Variants in SGCZ observed in about 807,000 individuals in gnomAD.
The protein encoded by SGCZ is zeta-sarcoglycan.
A neutral mutation model predicts 41.3 loss-of-function variants in SGCZ; 40 were observed. That is an observed-to-expected ratio of 0.97 (90% CI 0.75 to 1.26). The LOEUF (loss-of-function observed/expected upper bound fraction) is 1.26. SGCZ is among the 50% of genes most tolerant of loss of function. The pLI is 0.00. For missense variants in SGCZ, 552 were observed against 369.8 expected (o/e 1.49, Z -4.04); for synonymous variants, 206 against 137.5 (o/e 1.50, Z -3.49).
intron 1 of SGCZ, among the ~76,000 whole-genome samples, chr8:15,058,087 C>T (rs142313103): frequency 4.6e-5 from 7 of 152,282 alleles, no homozygotes; most frequent in African/African-American, 1.7e-4. Context: ...TAATTAATTT[C>T]ACGAGGGTGG....
chr8:14,876,048 A>G (rs1384411525), intron 1 of SGCZ, among the ~76,000 whole-genome samples: 2 of 152,190 alleles, frequency 1.3e-5, no homozygotes, highest in East Asian at 1.9e-4. Flanking sequence ...AATATAGTCT[A>G]TGCAACTATT....
intron 5 of SGCZ, among the ~76,000 whole-genome samples, chr8:14,118,261 T>G (rs1802585440): frequency 6.6e-6 from 1 of 152,074 alleles, no homozygotes. Flanking sequence ...TCCTGACTTT[T>G]TAATGATCGC....
At chr8:14,952,652 C>T (rs1374519018) in intron 1 of SGCZ, among the ~76,000 whole-genome samples, 3 of 152,112 alleles carry the variant, frequency 2.0e-5, no homozygotes, top group Non-Finnish European at 4.4e-5. Context: ...TTATAGCCCT[C>T]AGGAGATAGT....
chr8:14,605,998 A>G (rs1277910061), intron 1 of SGCZ, among the ~76,000 whole-genome samples: 1 of 152,104 alleles, frequency 6.6e-6, no homozygotes, highest in Non-Finnish European at 1.5e-5. Context: ...ACTGATAATC[A>G]TTCTGTATAC....
At chr8:15,104,280 A>T (rs1458003619) in intron 1 of SGCZ, among the ~76,000 whole-genome samples, 1 of 152,170 alleles carries the variant, frequency 6.6e-6, no homozygotes, top group African/African-American at 2.4e-5. Flanking sequence ...ACAGTCTCTT[A>T]TACAGGAGAC....
chr8:14,256,963 A>C (rs1010680149), intron 3 of SGCZ, among the ~76,000 whole-genome samples: 4 of 152,186 alleles, frequency 2.6e-5, no homozygotes, highest in African/African-American at 9.7e-5. Context: ...AATCTTCTTC[A>C]AAATCACTTT....
chr8:14,444,433 C>T (rs1050435816), intron 2 of SGCZ, among the ~76,000 whole-genome samples: 12 of 152,126 alleles, frequency 7.9e-5, no homozygotes, highest in African/African-American at 2.7e-4. Context: ...CAATGATAGA[C>T]TGGATCAAGA....
chr8:14,663,539 A>G (rs1427184171), intron 1 of SGCZ, among the ~76,000 whole-genome samples: 1 of 152,154 alleles, frequency 6.6e-6, no homozygotes, highest in Non-Finnish European at 1.5e-5. Context: ...CTATCTGTAA[A>G]TGAAAATAAT....
intron 6 of SGCZ, among the ~76,000 whole-genome samples, chr8:14,107,595 T>C (rs542132747): frequency 3.3e-5 from 5 of 152,298 alleles, no homozygotes; most frequent in Admixed American, 3.3e-4. Flanking sequence ...CATTTCATTA[T>C]ATATGTCGGA....
At chr8:14,175,799 A>G (rs1218003862) in intron 4 of SGCZ, among the ~76,000 whole-genome samples, 1 of 152,154 alleles carries the variant, frequency 6.6e-6, no homozygotes, top group Admixed American at 6.5e-5. Flanking sequence ...CTAGCTGGAT[A>G]TAAAACCAAA....
At chr8:14,144,013 A>G (rs1803450368) in intron 5 of SGCZ, among the ~76,000 whole-genome samples, 1 of 152,142 alleles carries the variant, frequency 6.6e-6, no homozygotes. Context: ...CAAGGGATAC[A>G]GTGCTCTGTG....
intron 5 of SGCZ, among the ~76,000 whole-genome samples, chr8:14,161,802 GAGAA>G (rs1278460585): frequency 2.0e-5 from 3 of 152,074 alleles, no homozygotes; most frequent in African/African-American, 4.8e-5. Context: ...ATTTGAGACA[GAGAA>G]AGAAATGAAA....
chr8:14,200,309 A>G (rs574621281), intron 4 of SGCZ, among the ~76,000 whole-genome samples: 162 of 152,352 alleles, frequency 1.1e-3, no homozygotes, highest in African/African-American at 3.8e-3. Flanking sequence ...TAGTCCATGC[A>G]TTCTCAATAA....
chr8:14,517,471 C>T (rs548079683), intron 2 of SGCZ, among the ~76,000 whole-genome samples: 4 of 152,092 alleles, frequency 2.6e-5, no homozygotes, highest in East Asian at 1.9e-4. Flanking sequence ...TCCATTTGAT[C>T]GTAAGGTAGA....
chr8:14,734,671 T>C (rs1308512118), intron 1 of SGCZ, among the ~76,000 whole-genome samples: 1 of 152,178 alleles, frequency 6.6e-6, no homozygotes, highest in African/African-American at 2.4e-5. Context: ...GCTGTGTCTA[T>C]ATCACCACCC....
chr8:14,981,860 T>A (rs190662353), intron 1 of SGCZ, among the ~76,000 whole-genome samples: 125 of 152,224 alleles, frequency 8.2e-4, no homozygotes, highest in Non-Finnish European at 1.5e-3. Context: ...CAAAAGGGAA[T>A]GACATTAGGC....
chr8:14,401,486 G>A (rs1219551529), intron 2 of SGCZ, among the ~76,000 whole-genome samples: 4 of 131,846 alleles, frequency 3.0e-5, no homozygotes, highest in Non-Finnish European at 4.6e-5. Context: ...CCCTTCCTGT[G>A]TCCACGTGAT....
At chr8:14,990,815 C>T (rs894319786) in intron 1 of SGCZ, among the ~76,000 whole-genome samples, 1 of 152,046 alleles carries the variant, frequency 6.6e-6, no homozygotes, top group African/African-American at 2.4e-5. Context: ...TCCCTGGTGC[C>T]AAAAGGGCTG....
At chr8:14,735,396 G>T (rs1207239152) in intron 1 of SGCZ, among the ~76,000 whole-genome samples, 4 of 152,148 alleles carry the variant, frequency 2.6e-5, no homozygotes. Context: ...GAAGAAGGTG[G>T]GATAAGCTGA....
Sources: allele counts gnomAD v4.1 joint callset (sites outside exome capture counted in the v4.1 genomes callset), GRCh38; gene constraint gnomAD v4.1.1; transcripts MANE v1.5; gene names NCBI Gene and HGNC (gene_info 2026-07-23, HGNC 2026-07-21).